The following SCRG1 variants were observed in gnomAD, a reference collection of about 807,000 sequenced individuals.
SCRG1 encodes stimulator of chondrogenesis 1, also known as scrapie-responsive protein 1.
Under a neutral mutation model 7.7 loss-of-function variants are expected in SCRG1, and 3 were observed. That is an observed-to-expected ratio of 0.39 (90% CI 0.18 to 1.01). The LOEUF is 1.01. Ranked by LOEUF, SCRG1 falls within the 50% of genes least tolerant of loss-of-function variation. The probability of loss-of-function intolerance (pLI) is 0.36; values close to 1 mark genes in which losing one functional copy is unlikely to be tolerated. For missense variants in SCRG1, 110 were observed against 117.2 expected, an observed-to-expected ratio of 0.94 and a Z score of 0.28; for synonymous variants, 46 against 41.2, an observed-to-expected ratio of 1.12 and a Z score of -0.44.
intron 1 of SCRG1, among the ~76,000 whole-genome samples, chr4:173,397,690 A>T (rs1360874441): frequency 6.6e-6 from 1 of 152,228 alleles, no homozygotes; most frequent in Non-Finnish European, 1.5e-5. Flanking sequence ...GCTGGAGCTA[A>T]ATGGAGACTT....
the SCRG1 span, among the ~76,000 whole-genome samples, chr4:173,421,795 G>A: frequency 1.3e-5 from 2 of 152,144 alleles, no homozygotes; most frequent in Non-Finnish European, 2.9e-5. Context: ...AGGTAGGGTG[G>A]GAGGATGGGG....
the SCRG1 span, among the ~76,000 whole-genome samples, chr4:173,485,070 T>TATATAATATATAATATATATTATA: frequency 1.4e-4 from 1 of 7,162 alleles, no homozygotes; most frequent in Non-Finnish European, 3.0e-4. Context: ...TATTATATAT[T>TATATAATATATAATATATATTATA]ATATATTATA....
chr4:173,445,051 C>G, the SCRG1 span, among the ~76,000 whole-genome samples: 1 of 151,998 alleles, frequency 6.6e-6, no homozygotes, highest in East Asian at 1.9e-4. Context: ...AAGTAATATG[C>G]TTTGAATTAC....
At chr4:173,410,530 G>T (rs995408140), upstream of SCRG1, among the ~76,000 whole-genome samples, 16 of 152,178 alleles carry the variant, frequency 1.1e-4, no homozygotes, top group Non-Finnish European at 8.8e-5. Flanking sequence ...ACTACCTTTG[G>T]ACTAAGTTAA....
At chr4:173,458,820 A>T in the SCRG1 span, among the ~76,000 whole-genome samples, 1 of 152,164 alleles carries the variant, frequency 6.6e-6, no homozygotes, top group Non-Finnish European at 1.5e-5. Context: ...GGCTGAAAGG[A>T]TTAAGAGAAA....
chr4:173,448,556 T>A, the SCRG1 span, among the ~76,000 whole-genome samples: 1 of 152,226 alleles, frequency 6.6e-6, no homozygotes, highest in African/African-American at 2.4e-5. Flanking sequence ...GGATTTGAAA[T>A]ACCGGAAAAG....
chr4:173,481,816 A>G, the SCRG1 span, among the ~76,000 whole-genome samples: 13 of 152,142 alleles, frequency 8.5e-5, no homozygotes, highest in Non-Finnish European at 1.5e-4. Flanking sequence ...AACACAAAAT[A>G]TGTGTTAATC....
At chr4:173,455,386 G>A in the SCRG1 span, among the ~76,000 whole-genome samples, 5 of 152,188 alleles carry the variant, frequency 3.3e-5, no homozygotes, top group African/African-American at 9.6e-5. Context: ...GAGAACGCTG[G>A]TGGTGTTTTT....
upstream of SCRG1, among the ~76,000 whole-genome samples, chr4:173,409,010 AAAAAG>A (rs1261210083): frequency 2.1e-5 from 3 of 146,306 alleles, no homozygotes; most frequent in Non-Finnish European, 4.4e-5. Flanking sequence ...AAAAAAAAAA[AAAAAG>A]AAAAGAAAAG....
At chr4:173,451,615 A>T in the SCRG1 span, among the ~76,000 whole-genome samples, 1 of 93,638 alleles carries the variant, frequency 1.1e-5, no homozygotes, top group South Asian at 3.1e-4. Flanking sequence ...ATTTTATTTT[A>T]TTTTATTTTA....
At chr4:173,484,000 T>G in the SCRG1 span, among the ~76,000 whole-genome samples, 266 of 74,918 alleles carry the variant, frequency 3.6e-3, 3 homozygotes, top group Non-Finnish European at 5.3e-3. Context: ...ATATGATATA[T>G]ATTACATATT....
At chr4:173,471,842 T>C in the SCRG1 span, among the ~76,000 whole-genome samples, 1 of 152,214 alleles carries the variant, frequency 6.6e-6, no homozygotes, top group Non-Finnish European at 1.5e-5. Flanking sequence ...CCCGAGTAGC[T>C]GGGATTATAG....
At chr4:173,481,164 A>G in the SCRG1 span, among the ~76,000 whole-genome samples, 927 of 152,306 alleles carry the variant, frequency 6.1e-3, 9 homozygotes, top group African/African-American at 0.021. Flanking sequence ...AATAATTTAA[A>G]CCACATCAAT....
intron 2 of SCRG1, among the ~76,000 whole-genome samples, chr4:173,388,671 C>G (rs1391572651): frequency 1.3e-5 from 2 of 152,102 alleles, no homozygotes; most frequent in African/African-American, 4.8e-5. Context: ...ACTTTATGGT[C>G]ATGTATACAA....
chr4:173,463,553 G>A, the SCRG1 span, among the ~76,000 whole-genome samples: 1 of 152,284 alleles, frequency 6.6e-6, no homozygotes, highest in African/African-American at 2.4e-5. Flanking sequence ...TCTGGTATCT[G>A]TAATCAGAAT....
chr4:173,435,322 G>T, the SCRG1 span, among the ~76,000 whole-genome samples: 1 of 152,120 alleles, frequency 6.6e-6, no homozygotes, highest in Admixed American at 6.5e-5. Flanking sequence ...TTTTTGAAGG[G>T]CTTTTGATCA....
At position 173,386,684 on chromosome 4, in the gene SCRG1, A is replaced by T. The variant is rs1227113006; in HGVS notation, c.*1657T>A. ...TAATGAAATAATGTCACTTTTATTC[A>T]TAAAATGATATCTCCCAGATTGCCT... is the stretch of plus-strand genomic sequence containing the variant. On this transcript the variant is annotated 3_prime_UTR_variant, in exon 3 of 3. Transcript: ENST00000296506. 1.3e-5 allele frequency: 2 copies of T among 152,208 alleles called. No homozygotes were observed. The highest frequency in any genetic ancestry group is 2.9e-5 in the Non-Finnish European group (2 of 68,040). 9.4% of individuals were successfully genotyped at this position (152,208 alleles called of 1,614,324 possible).
chr4:173,450,717 G>T, the SCRG1 span, among the ~76,000 whole-genome samples: 31 of 152,286 alleles, frequency 2.0e-4, no homozygotes, highest in African/African-American at 5.1e-4. Flanking sequence ...CCTTATTAGC[G>T]ATTTAACCTT....
At chr4:173,478,966 C>T in the SCRG1 span, among the ~76,000 whole-genome samples, 2 of 152,286 alleles carry the variant, frequency 1.3e-5, no homozygotes, top group East Asian at 3.9e-4. Flanking sequence ...TTCAAGGGAT[C>T]CACATTTCAA....
Sources: gnomAD v4.1 joint callset for allele counts (sites outside exome capture counted in the v4.1 genomes callset) on GRCh38, gnomAD v4.1.1 for gene constraint, MANE v1.5 for transcripts, NCBI Gene and HGNC (gene_info 2026-07-23, HGNC 2026-07-21) for gene names.